CEP85L: variants seen among roughly 807,000 people sequenced by gnomAD.
CEP85L encodes the protein centrosomal protein 85L.
Under a neutral mutation model 100.3 loss-of-function variants are expected in CEP85L, and 60 were observed. The observed-to-expected ratio is 0.60, with a 90% CI of 0.49 to 0.74. The LOEUF (loss-of-function observed/expected upper bound fraction) is 0.74, where lower values mean the gene tolerates loss of function less well. Ranked by LOEUF, CEP85L falls within the 30% of genes least tolerant of loss-of-function variation. The probability of loss-of-function intolerance (pLI) is 0.00; values close to 1 mark genes in which losing one functional copy is unlikely to be tolerated. For synonymous variants in CEP85L, 319 were observed against 322.7 expected, an observed-to-expected ratio of 0.99 and a Z score of 0.12; for missense variants, 973 against 936.2, an observed-to-expected ratio of 1.04 and a Z score of -0.51.
intron 3 of CEP85L, among the ~76,000 whole-genome samples, chr6:118,536,459 TGTTA>T (rs1018115056): frequency 6.6e-6 from 1 of 152,200 alleles, no homozygotes; most frequent in African/African-American, 2.4e-5. Context: ...CTTTACTGTA[TGTTA>T]GACATCAACA....
At chr6:118,651,100 G>A (rs1485148375) in intron 1 of CEP85L, 97 bp downstream of exon 1, 3 of 1,404,750 alleles carry the variant, frequency 2.1e-6, no homozygotes, top group South Asian at 1.6e-5. Flanking sequence ...GCCGGGGTAA[G>A]ACAGGCCTGA....
chr6:118,553,215 T>TAAAAAAAAAAA (rs59502810), intron 3 of CEP85L, among the ~76,000 whole-genome samples: 1 of 138,942 alleles, frequency 7.2e-6, no homozygotes, highest in African/African-American at 2.6e-5. Context: ...GTTAAGAAAT[T>TAAAAAAAAAAA]AAAAAAAAAA....
chr6:118,618,607 C>A (rs1773232851), intron 2 of CEP85L, among the ~76,000 whole-genome samples: 1 of 152,058 alleles, frequency 6.6e-6, no homozygotes, highest in Non-Finnish European at 1.5e-5. Flanking sequence ...ACCATTCAAT[C>A]ATGGATATTG....
At position 118,709,839 on chromosome 6, in the gene CEP85L, C is replaced by G. The variant is rs182313555; in HGVS notation, c.-28+197G>C. Among the ~76,000 whole-genome samples, 30 of 152,186 alleles carry G rather than the reference C, an allele frequency of 2.0e-4. No individual in the cohort carries two copies. In the East Asian group the frequency reaches 5.8e-3, roughly 29 times the overall value. ...GGACACCATCATAGCAATCTAGATCCGAGTACTTTTCCTCTGTTGCAGGGG... is the reference window on the plus strand; with the variant it reads ...GGACACCATCATAGCAATCTAGATCGGAGTACTTTTCCTCTGTTGCAGGGG... On this transcript the variant is annotated intron_variant, in intron 1 of 13. Transcript: ENST00000368488.
At chr6:118,518,932 C>T (rs989119085) in intron 4 of CEP85L, among the ~76,000 whole-genome samples, 7 of 152,148 alleles carry the variant, frequency 4.6e-5, no homozygotes, top group Non-Finnish European at 1.0e-4. Flanking sequence ...TACATTGTGT[C>T]TTTGTTCTCA....
In CEP85L at chr6:118,462,048, G is replaced by A. The variant is rs1230906376; in HGVS notation, c.*3357C>T. The A allele has an allele frequency of 1.3e-5, 2 of 151,844 alleles. No homozygotes were observed. Among genetic ancestry groups the A allele is most frequent in the Non-Finnish European group, 2.9e-5 (2 of 67,854 alleles). The allele number at this position is 151,844 out of a possible 1,614,324, so 9.4% of individuals were successfully genotyped here. On this transcript the variant is annotated 3_prime_UTR_variant, in exon 13 of 13. Coordinates refer to ENST00000368491, the MANE Select transcript of CEP85L (RefSeq NM_001042475.3). ...ATCCTCTAAGAAATTAATAATTCTT[G>A]CACTATGAAAGAATTACTTTATAAG...
chr6:118,543,028 T>C (rs1167096613), intron 3 of CEP85L, among the ~76,000 whole-genome samples: 1 of 151,710 alleles, frequency 6.6e-6, no homozygotes, highest in Non-Finnish European at 1.5e-5. Flanking sequence ...CAATAACCAA[T>C]TCACTTTTTG....
chr6:118,649,864 A>T (rs955791734), intron 1 of CEP85L, among the ~76,000 whole-genome samples: 1 of 152,232 alleles, frequency 6.6e-6, no homozygotes, highest in Non-Finnish European at 1.5e-5. Context: ...GACCAAACTT[A>T]AGTGAATGAT....
intron 2 of CEP85L, among the ~76,000 whole-genome samples, chr6:118,575,382 G>T (rs1425164695): frequency 6.6e-6 from 1 of 152,162 alleles, no homozygotes; most frequent in African/African-American, 2.4e-5. Context: ...ATCCAGTTAG[G>T]ACTGGATTTG....
At chr6:118,520,638 T>TA (rs1260039162) in intron 4 of CEP85L, among the ~76,000 whole-genome samples, 2 of 152,224 alleles carry the variant, frequency 1.3e-5, no homozygotes, top group African/African-American at 4.8e-5. Context: ...CTAGAACTTC[T>TA]ATCTAGCTGC....
At chr6:118,486,050 C>T (rs1301960512) in intron 6 of CEP85L, among the ~76,000 whole-genome samples, 1 of 152,222 alleles carries the variant, frequency 6.6e-6, no homozygotes, top group African/African-American at 2.4e-5. Flanking sequence ...CCCTTGATCA[C>T]AAATTGCTGC....
chr6:118,477,767 T>C (rs926989240), intron 10 of CEP85L, among the ~76,000 whole-genome samples: 1 of 152,108 alleles, frequency 6.6e-6, no homozygotes, highest in Non-Finnish European at 1.5e-5. Flanking sequence ...CCAAGCACTG[T>C]GGAGGAAGAA....
intron 3 of CEP85L, among the ~76,000 whole-genome samples, chr6:118,542,825 A>T (rs893313718): frequency 1.3e-5 from 2 of 149,824 alleles, no homozygotes; most frequent in African/African-American, 4.9e-5. Context: ...TTAACAGACC[A>T]GACCAAACAA....
chr6:118,478,171 T>C (rs1010032739), intron 10 of CEP85L, among the ~76,000 whole-genome samples: 1 of 152,070 alleles, frequency 6.6e-6, no homozygotes, highest in African/African-American at 2.4e-5. Context: ...TTCTTTTCAG[T>C]GTGTCCAATG....
rs1775544869 is a variant in CEP85L at position 118,651,328 on chromosome 6, C to T, written c.-59G>A. On this transcript the variant is annotated 5_prime_UTR_variant, in exon 1 of 13. Transcript: ENST00000368491. Reference sequence around the variant, plus strand: ...CCGACTCCTCACGTCCGTCCTCCTGCTTCTTCGGCGGCGGAAACTTGCGCG... The same window carrying T: ...CCGACTCCTCACGTCCGTCCTCCTGTTTCTTCGGCGGCGGAAACTTGCGCG... The T allele has an allele frequency of 1.4e-6, 2 of 1,393,710 alleles. No individual in the cohort carries two copies. The highest frequency in any genetic ancestry group is 1.5e-5 in the South Asian group (1 of 65,970). The allele number at this position is 1,393,710 out of a possible 1,614,324, so 86.3% of individuals were successfully genotyped here. A position where few individuals can be genotyped will look rare whatever the true frequency, so the allele number is the denominator to read the frequency against.
chr6:118,550,707 A>C lies in CEP85L; in HGVS notation c.1020+14822T>G, dbSNP rs150055392. 2.4e-3 allele frequency among the ~76,000 whole-genome samples: 369 copies of C among 152,060 alleles called. 1 individual carries two copies. The highest frequency in any genetic ancestry group is 8.5e-3 in the African/African-American group (353 of 41,572). ...CTCTATATACTGATCAGCATGGCTT[A>C]AAGTAAACCATGACACTGACAAACA... On this transcript the variant is annotated intron_variant, in intron 3 of 12. Coordinates refer to ENST00000368491, the MANE Select transcript of CEP85L (RefSeq NM_001042475.3).
At chr6:118,483,636 A>G in intron 7 of CEP85L, 70 bp downstream of exon 7, 1 of 1,457,718 alleles carries the variant, frequency 6.9e-7, no homozygotes, top group South Asian at 1.3e-5. Context: ...ACTTATAGTT[A>G]GCCAAATTTC....
intron 1 of CEP85L, among the ~76,000 whole-genome samples, chr6:118,661,028 G>A (rs1311548668): frequency 6.6e-6 from 1 of 152,062 alleles, no homozygotes; most frequent in Non-Finnish European, 1.5e-5. Flanking sequence ...TGGGATTACA[G>A]GCACCCGCCA....
intron 2 of CEP85L, among the ~76,000 whole-genome samples, chr6:118,567,588 G>A (rs536702361): frequency 6.6e-6 from 1 of 152,218 alleles, no homozygotes; most frequent in African/African-American, 2.4e-5. Flanking sequence ...TATCTAGAAA[G>A]GGGGTAGCAA....
Sources: gnomAD v4.1 joint callset for allele counts (sites outside exome capture counted in the v4.1 genomes callset) on GRCh38, gnomAD v4.1.1 for gene constraint, MANE v1.5 for transcripts, NCBI Gene and HGNC (gene_info 2026-07-23, HGNC 2026-07-21) for gene names.